Variants in SERPINB9 observed in about 807,000 individuals in gnomAD.
The protein encoded by SERPINB9 is serpin B9.
SERPINB9 carries 20 observed loss-of-function variants against 27.2 expected under a neutral mutation model. That is an observed-to-expected ratio of 0.74 (90% CI 0.52 to 1.07). The LOEUF (loss-of-function observed/expected upper bound fraction) is 1.07. SERPINB9 is among the 50% of genes least tolerant of loss of function. The pLI, the probability that SERPINB9 is intolerant of heterozygous loss-of-function variation, is 0.00. For synonymous variants in SERPINB9, 189 were observed against 180.0 expected (o/e 1.05, Z -0.40); for missense variants, 476 against 460.1 (o/e 1.03, Z -0.32).
rs151123105 is a variant in SERPINB9 at position 2,890,492 on chromosome 6, G to A, written c.802C>T (p.Leu268Phe). 1.8e-3 allele frequency: 2,908 copies of A among 1,614,144 alleles called. 20 individuals carry two copies. The highest frequency in any genetic ancestry group is 5.4e-3 in the Admixed American group (323 of 60,024). ...TCTTGTAGTTTAAATTTTGGAAGGA[G>A]AACTTCAACCTCAGTACTCTTCATA... ...DCMKSTEVEV[L>F]LPKFKLQEDY... The change falls in exon 7 of 7, where the codon CTC becomes TTC. Residue 268 changes from leucine to phenylalanine, a missense_variant. Coordinates refer to ENST00000380698, the MANE Select transcript of SERPINB9 (RefSeq NM_004155.6). The surrounding 1 kb of genome is among the most constrained non-coding windows in gnomAD (Gnocchi z 6.2).
In SERPINB9 at chr6:2,891,489, C is replaced by T. The variant is rs550257609; in HGVS notation, c.723+344G>A. ...TCATAACTCTAGGAGGCAATAACCC[C>T]GAGCAGTCATTTATGCTTTTAGAGT... On this transcript the variant is annotated intron_variant, in intron 6 of 6. Transcript: ENST00000380698. This position sits in a 1 kb window ranked among gnomAD's most constrained non-coding sequence, Gnocchi z 4.0. Among the ~76,000 whole-genome samples, 3 of 152,268 alleles carry T rather than the reference C, an allele frequency of 2.0e-5. No individual in the cohort carries two copies. Among genetic ancestry groups the T allele is most frequent in the East Asian group, 3.9e-4 (2 of 5,188 alleles).
chr6:2,895,552 A>G (rs545587966), intron 3 of SERPINB9, 44 bp from the exon 4 acceptor site: 1 of 1,230,586 alleles, frequency 8.1e-7, no homozygotes, highest in South Asian at 1.3e-5. Flanking sequence ...TGCTAAATAC[A>G]AATGTCAGCA....
chr6:2,899,340 C>T (rs1430695179), intron 2 of SERPINB9, among the ~76,000 whole-genome samples: 1 of 152,186 alleles, frequency 6.6e-6, no homozygotes, highest in Non-Finnish European at 1.5e-5. Flanking sequence ...ACACAACTAT[C>T]ACAAAGGACT....
In SERPINB9 at chr6:2,889,164, G is replaced by C. The variant is rs1767691135; in HGVS notation, c.*999C>G. ...TTAAGGGTTGAATGGAATTTTTACT[G>C]TTAGAGGTAGAGAAATACAATATCA... On this transcript the variant is annotated 3_prime_UTR_variant, in exon 7 of 7. Transcript: ENST00000380698. 1 of 152,166 alleles carries C rather than the reference G, an allele frequency of 6.6e-6. No individual in the cohort carries two copies. Among genetic ancestry groups the C allele is most frequent in the Non-Finnish European group, 1.5e-5 (1 of 68,030 alleles). The allele number at this position is 152,166 out of a possible 1,614,324, so 9.4% of individuals were successfully genotyped here.
Position 2,890,110 on chromosome 6 carries a change from G to A in SERPINB9, c.*53C>T, listed in dbSNP as rs1022700794. The A allele has an allele frequency of 5.8e-6, 9 of 1,560,878 alleles. No homozygotes were observed. Among genetic ancestry groups the A allele is most frequent in the Non-Finnish European group, 7.0e-6 (8 of 1,148,170 alleles). ...CCCATCCTCTTGGAGCTGTAGTGGGGATCTGGGGACACAGGAAGAGGGAAA... is the reference window on the plus strand; with the variant it reads ...CCCATCCTCTTGGAGCTGTAGTGGGAATCTGGGGACACAGGAAGAGGGAAA... On this transcript the variant is annotated 3_prime_UTR_variant, in exon 7 of 7. Transcript: ENST00000380698. This position sits in a 1 kb window ranked among gnomAD's most constrained non-coding sequence, Gnocchi z 6.2.
At position 2,900,885 on chromosome 6, in the gene SERPINB9, T is replaced by TCTCTCTCTCACACACACACACACACACA. The variant is rs61100591; in HGVS notation, c.-10-265_-10-264insTGTGTGTGTGTGTGTGTGTGAGAGAGAG. Among the ~76,000 whole-genome samples, 1,194 of 141,550 alleles carry TCTCTCTCTCACACACACACACACACACA rather than the reference T, an allele frequency of 8.4e-3. 21 individuals are homozygous for TCTCTCTCTCACACACACACACACACACA. The highest frequency in any genetic ancestry group is 0.031 in the African/African-American group (1,112 of 35,824). 92.9% of individuals were successfully genotyped at this position (141,550 alleles called of 152,430 possible). A position where few individuals can be genotyped will look rare whatever the true frequency, so the allele number is the denominator to read the frequency against. On this transcript the variant is annotated intron_variant, in intron 1 of 6. Transcript: ENST00000380698. ...TGGCTCGCCTGCAGAGCTCGCTCTC[T>TCTCTCTCTCACACACACACACACACACA]CACACACACACACACACACACACAC... is the stretch of plus-strand genomic sequence containing the variant.
chr6:2,890,318 C>T lies in SERPINB9; in HGVS notation c.976G>A (p.Gly326Ser), dbSNP rs763983790. The change falls in exon 7 of 7, where the codon GGC becomes AGC. Residue 326 changes from glycine (G) to serine (S), a missense_variant. Physicochemically the swap from Gly to Ser is moderately conservative, Grantham distance 56. Coordinates refer to ENST00000380698, the MANE Select transcript of SERPINB9 (RefSeq NM_004155.6). This position sits in a 1 kb window ranked among gnomAD's most constrained non-coding sequence, Gnocchi z 6.2. ...CTCGACGCTGCCGCTGCCTCGGTGC[C>T]TTCTTCATTCACCTCCACAAAACTC... is the stretch of plus-strand genomic sequence containing the variant. ...HKSFVEVNEE[G>S]TEAAAASSCF... 6.2e-7 allele frequency: 1 copy of T among 1,614,210 alleles called. No homozygotes were observed. The highest frequency in any genetic ancestry group is 8.5e-7 in the Non-Finnish European group (1 of 1,180,030).
rs775922632 is a variant in SERPINB9, at chr6:2,894,215, G to A, written c.425-662C>T. On this transcript the variant is annotated intron_variant, in intron 4 of 6. Coordinates refer to ENST00000380698, the MANE Select transcript of SERPINB9 (RefSeq NM_004155.6). The surrounding 1 kb of genome is among the most constrained non-coding windows in gnomAD (Gnocchi z 4.7). ...TGGTAAATACTCCAAGCAGGAATGC[G>A]GGAAACAACTGCTGAGACTTTAAGC... is the stretch of plus-strand genomic sequence containing the variant. Among the ~76,000 whole-genome samples, 15 of 152,096 alleles carry A rather than the reference G, an allele frequency of 9.9e-5. No individual in the cohort carries two copies. Among genetic ancestry groups the A allele is most frequent in the Non-Finnish European group, 1.5e-4 (10 of 68,030 alleles).
chr6:2,898,607 G>T (rs1250119295), intron 2 of SERPINB9, among the ~76,000 whole-genome samples: 1 of 152,210 alleles, frequency 6.6e-6, no homozygotes, highest in Non-Finnish European at 1.5e-5. Context: ...CACGAGGTCA[G>T]GTGATCGAGA....
Position 2,891,727 on chromosome 6 carries a change from C to A in SERPINB9, c.723+106G>T. On this transcript the variant is annotated intron_variant, in intron 6 of 6. Transcript: ENST00000380698. The surrounding 1 kb of genome is among the most constrained non-coding windows in gnomAD (Gnocchi z 4.0). ...CAACGCCAAGTGCCTGCACAGTGTG[C>A]GTCTGCCGCATCGCCAACTCAGAAG... 1.5e-6 allele frequency: 2 copies of A among 1,317,664 alleles called. No individual in the cohort carries two copies. Among genetic ancestry groups the A allele is most frequent in the African/African-American group, 3.0e-5 (2 of 67,778 alleles). 81.6% of individuals were successfully genotyped at this position (1,317,664 alleles called of 1,614,324 possible). A position where few individuals can be genotyped will look rare whatever the true frequency, so the allele number is the denominator to read the frequency against.
intron 5 of SERPINB9, among the ~76,000 whole-genome samples, chr6:2,892,352 T>C (rs917560484): frequency 6.6e-6 from 1 of 152,128 alleles, no homozygotes; most frequent in Non-Finnish European, 1.5e-5. Context: ...AAATGTGTAT[T>C]GTTTTTCCTA....
Position 2,890,330 on chromosome 6 carries a change from C to A in SERPINB9, c.964G>T (p.Val322Leu). 6.2e-7 allele frequency: 1 copy of A among 1,614,216 alleles called. No individual in the cohort carries two copies. The highest frequency in any genetic ancestry group is 8.5e-7 in the Non-Finnish European group (1 of 1,180,034). ...SKFVHKSFVE[V>L]NEEGTEAAAA... Reference sequence around the variant, plus strand: ...GCTGCCTCGGTGCCTTCTTCATTCACCTCCACAAAACTCTTGTGCACGAAC... The same window carrying A: ...GCTGCCTCGGTGCCTTCTTCATTCAACTCCACAAAACTCTTGTGCACGAAC... Residue 322 changes from valine (V) to leucine (L), a missense_variant, in exon 7 of 7, where the codon GTG becomes TTG. Transcript: ENST00000380698. The surrounding 1 kb of genome is among the most constrained non-coding windows in gnomAD (Gnocchi z 6.2).
Position 2,887,986 on chromosome 6 carries a change from AAAAAC to A in SERPINB9, c.*2172_*2176del, listed in dbSNP as rs1471753042. 6.6e-6 allele frequency: 1 copy of A among 152,106 alleles called. No individual in the cohort carries two copies. Among genetic ancestry groups the A allele is most frequent in the Non-Finnish European group, 1.5e-5 (1 of 68,024 alleles). The allele number at this position is 152,106 out of a possible 1,614,324, so 9.4% of individuals were successfully genotyped here. ...TTTAACAAACTGTCACTCGTGTTCT[AAAAAC>A]AAACAAATGTCTTTCATCTCATTTT... On this transcript the variant is annotated 3_prime_UTR_variant, in exon 7 of 7. Transcript: ENST00000380698.
At chr6:2,895,664 G>C (rs1018503237) in intron 3 of SERPINB9, among the ~76,000 whole-genome samples, 156 bp from the exon 4 acceptor site, 1 of 152,104 alleles carries the variant, frequency 6.6e-6, no homozygotes, top group East Asian at 1.9e-4. Flanking sequence ...ATCAGAGTTT[G>C]TGAATAGGTA....
At chr6:2,901,641 G>C (rs534881083) in intron 1 of SERPINB9, among the ~76,000 whole-genome samples, 8 of 152,100 alleles carry the variant, frequency 5.3e-5, no homozygotes, top group Non-Finnish European at 1.0e-4. Flanking sequence ...CCAGGCTGCA[G>C]TTCCCAGTGC....
At position 2,896,144 on chromosome 6, in the gene SERPINB9, G is replaced by T; in HGVS notation, c.215C>A (p.Ser72Ter). The change falls in exon 3 of 7, where the codon TCG becomes TAG. Residue 72 changes from serine (S) to a stop codon, truncating the protein, a stop_gained. Coordinates refer to ENST00000380698, the MANE Select transcript of SERPINB9 (RefSeq NM_004155.6). LOFTEE classifies it high-confidence loss of function. ...AGCCTTGTTCACTTCAGTGAGAAGCGACTGGAAAGCCCGATGAATGTCTTC... is the reference window on the plus strand; with the variant it reads ...AGCCTTGTTCACTTCAGTGAGAAGCTACTGGAAAGCCCGATGAATGTCTTC... The part of the protein sequence containing the change: ...TEEDIHRAFQ[S>*]LLTEVNKAGT... 1 of 1,614,048 alleles carries T rather than the reference G, an allele frequency of 6.2e-7. No homozygotes were observed. The highest frequency in any genetic ancestry group is 8.5e-7 in the Non-Finnish European group (1 of 1,179,966).
At chr6:2,896,817 A>C (rs1042219041) in intron 2 of SERPINB9, among the ~76,000 whole-genome samples, 3 of 152,258 alleles carry the variant, frequency 2.0e-5, no homozygotes, top group Non-Finnish European at 2.9e-5. Context: ...CACTTTTCTA[A>C]ATAATTAACT....
In SERPINB9 at chr6:2,888,630, C is replaced by T. The variant is rs1767673941; in HGVS notation, c.*1533G>A. Reference sequence around the variant, plus strand: ...TATAAAATAGCAAGAATAGATAAATCCATAGAGACAGAAAGCAGATTGGTG... The same window carrying T: ...TATAAAATAGCAAGAATAGATAAATTCATAGAGACAGAAAGCAGATTGGTG... On this transcript the variant is annotated 3_prime_UTR_variant, in exon 7 of 7. Coordinates refer to ENST00000380698, the MANE Select transcript of SERPINB9 (RefSeq NM_004155.6). 6.6e-6 allele frequency: 1 copy of T among 152,022 alleles called. No homozygotes were observed. The highest frequency in any genetic ancestry group is 1.9e-4 in the East Asian group (1 of 5,190). 9.4% of individuals were successfully genotyped at this position (152,022 alleles called of 1,614,324 possible).
intron 1 of SERPINB9, among the ~76,000 whole-genome samples, chr6:2,900,885 T>TCTCA (rs61100591): frequency 1.2e-4 from 17 of 141,482 alleles, no homozygotes; most frequent in Non-Finnish European, 1.7e-4. Context: ...GCTCGCTCTC[T>TCTCA]CACACACACA....
Sources: allele counts gnomAD v4.1 joint callset (sites outside exome capture counted in the v4.1 genomes callset), GRCh38; gene constraint gnomAD v4.1.1; non-coding constraint Gnocchi (gnomAD v3.1); transcripts MANE v1.5; gene names NCBI Gene and HGNC (gene_info 2026-07-23, HGNC 2026-07-21).